DPP6: variants seen among roughly 807,000 people sequenced by gnomAD.
DPP6 encodes the protein dipeptidyl peptidase like 6, also known as A-type potassium channel modulatory protein DPP6.
In DPP6, 69 loss-of-function variants were observed where a neutral mutation model predicts 122.6. The observed-to-expected ratio is 0.56, with a 90% confidence interval of 0.46 to 0.69. DPP6 has a LOEUF of 0.69. DPP6 is among the 30% of genes least tolerant of loss of function. DPP6 has a pLI of 0.00. For synonymous variants in DPP6, 418 were observed against 433.1 expected (o/e 0.97, Z 0.43); for missense variants, 928 against 1,116.9 (o/e 0.83, Z 2.41).
chr7:154,058,382 A>T (rs1046358688), intron 1 of DPP6: 1 of 120,540 alleles, frequency 8.3e-6, no homozygotes. Context: ...CCTGGCTCTG[A>T]GGACCCCCAT....
intron 4 of DPP6, among the ~76,000 whole-genome samples, chr7:154,554,482 T>G (rs1829873544): frequency 6.6e-6 from 1 of 152,174 alleles, no homozygotes; most frequent in African/African-American, 2.4e-5. Context: ...ATTTTATATC[T>G]CTTTTTTCCC....
chr7:154,326,677 C>A (rs1201749096), intron 1 of DPP6, among the ~76,000 whole-genome samples: 1 of 152,238 alleles, frequency 6.6e-6, no homozygotes, highest in Non-Finnish European at 1.5e-5. Flanking sequence ...CTACTGCAAT[C>A]ATCGTCATAC....
chr7:154,078,946 CAAAAAAA>C (rs67950621), intron 1 of DPP6, among the ~76,000 whole-genome samples: 226 of 112,588 alleles, frequency 2.0e-3, no homozygotes, highest in African/African-American at 6.2e-3. Flanking sequence ...CATTCTTTTC[CAAAAAAA>C]AAAAAAAAAA....
rs115419603 is a variant in DPP6 at position 154,857,195 on chromosome 7, T to C, written c.1714+3368T>C. ...ACTTGGAAAAAAAAATGATTAAATG[T>C]GGTTGAGTTGATTGTCGTTCCCATC... On this transcript the variant is annotated intron_variant, in intron 17 of 25. Transcript: ENST00000377770. Among the ~76,000 whole-genome samples the C allele has an allele frequency of 1.2e-3, 189 of 152,216 alleles. 1 individual carries two copies. The highest frequency in any genetic ancestry group is 4.2e-3 in the African/African-American group (176 of 41,536).
At chr7:153,873,988 A>G in the DPP6 span, among the ~76,000 whole-genome samples, 3 of 152,220 alleles carry the variant, frequency 2.0e-5, no homozygotes, top group Non-Finnish European at 2.9e-5. Flanking sequence ...AGAAAAAAAG[A>G]ATTAGAGATG....
the DPP6 span, among the ~76,000 whole-genome samples, chr7:153,800,450 C>G: frequency 7.9e-4 from 120 of 152,230 alleles, 1 homozygote; most frequent in African/African-American, 2.7e-3. Flanking sequence ...AGAGAGGTTG[C>G]TTAATGGGTG....
At chr7:154,363,764 T>C (rs905096945) in intron 1 of DPP6, among the ~76,000 whole-genome samples, 1 of 152,262 alleles carries the variant, frequency 6.6e-6, no homozygotes, top group Non-Finnish European at 1.5e-5. Flanking sequence ...TAACATGTGC[T>C]CTTATTTTTA....
In DPP6 at chr7:154,515,434, G is replaced by A. The variant is rs1826410050; in HGVS notation, c.458-25098G>A. Among the ~76,000 whole-genome samples the A allele has an allele frequency of 2.0e-5, 3 of 152,050 alleles. No individual in the cohort carries two copies. In the South Asian group the frequency reaches 6.2e-4, roughly 32 times the overall value. On this transcript the variant is annotated intron_variant, in intron 3 of 25. Transcript: ENST00000377770. ...GCCATGGACTAGATTCCTGACATTGGGCATTTACTGTTTCTGAGTTCCTTC... is the reference window on the plus strand; with the variant it reads ...GCCATGGACTAGATTCCTGACATTGAGCATTTACTGTTTCTGAGTTCCTTC...
chr7:154,511,147 G>A (rs1471708046), intron 3 of DPP6, among the ~76,000 whole-genome samples: 1 of 152,164 alleles, frequency 6.6e-6, no homozygotes, highest in Admixed American at 6.5e-5. Context: ...GAAATAGTGA[G>A]AACACCGAGC....
intron 1 of DPP6, among the ~76,000 whole-genome samples, chr7:154,313,684 G>GGT (rs146683070): frequency 0.036 from 892 of 25,090 alleles, 270 homozygotes; most frequent in East Asian, 0.26. Flanking sequence ...TTTAAGATAT[G>GGT]GTATATATAT....
intron 1 of DPP6, among the ~76,000 whole-genome samples, chr7:154,339,794 G>A (rs1359465154): frequency 1.3e-5 from 2 of 152,146 alleles, no homozygotes; most frequent in African/African-American, 4.8e-5. Flanking sequence ...AATGTGGTTG[G>A]CTGGGCGTAG....
At chr7:154,769,794 A>G (rs1796139360) in intron 9 of DPP6, among the ~76,000 whole-genome samples, 1 of 152,074 alleles carries the variant, frequency 6.6e-6, no homozygotes, top group South Asian at 2.1e-4. Flanking sequence ...AATGTTCATC[A>G]CCTGACTCAG....
At chr7:154,419,450 G>C (rs1004407348) in intron 1 of DPP6, among the ~76,000 whole-genome samples, 3 of 152,188 alleles carry the variant, frequency 2.0e-5, no homozygotes, top group Non-Finnish European at 4.4e-5. Flanking sequence ...TTGGCTGCTT[G>C]AGAACAGAGC....
the DPP6 span, among the ~76,000 whole-genome samples, chr7:153,786,709 A>G: frequency 7.1e-6 from 1 of 140,494 alleles, no homozygotes; most frequent in Non-Finnish European, 1.5e-5. Flanking sequence ...ACTGCACTCC[A>G]GCCTGGGCGA....
At chr7:154,722,630 G>T (rs568100716) in intron 7 of DPP6, among the ~76,000 whole-genome samples, 57 of 152,294 alleles carry the variant, frequency 3.7e-4, no homozygotes, top group Non-Finnish European at 6.8e-4. Flanking sequence ...GCGGCAGCAG[G>T]AGGCAGGGAG....
intron 3 of DPP6, among the ~76,000 whole-genome samples, chr7:154,512,402 T>A (rs1367615120): frequency 6.6e-6 from 1 of 152,214 alleles, no homozygotes; most frequent in Non-Finnish European, 1.5e-5. Flanking sequence ...ATAATTCTAA[T>A]GGTAATTTTT....
At chr7:154,031,501 C>T (rs1387180065) in intron 1 of DPP6, among the ~76,000 whole-genome samples, 1 of 151,936 alleles carries the variant, frequency 6.6e-6, no homozygotes, top group African/African-American at 2.4e-5. Context: ...AAAAAAATCA[C>T]AGATATTCCC....
intron 7 of DPP6, 142 bp from the exon 8 acceptor site, chr7:154,727,625 G>T: frequency 8.3e-7 from 1 of 1,197,764 alleles, no homozygotes; most frequent in East Asian, 2.7e-5. Context: ...AGACCTCCAA[G>T]AATTTTGAGA....
intron 7 of DPP6, among the ~76,000 whole-genome samples, chr7:154,720,387 C>T (rs1192094803): frequency 1.3e-5 from 2 of 152,184 alleles, no homozygotes; most frequent in African/African-American, 2.4e-5. Context: ...CACATGAGGA[C>T]CACAAAGCAG....
Sources: gnomAD v4.1 joint callset for allele counts (sites outside exome capture counted in the v4.1 genomes callset) on GRCh38, gnomAD v4.1.1 for gene constraint, MANE v1.5 for transcripts, NCBI Gene and HGNC (gene_info 2026-07-23, HGNC 2026-07-21) for gene names.